The following VWA8 variants were observed in gnomAD, a reference collection of about 807,000 sequenced individuals.
VWA8 encodes von Willebrand factor A domain containing 8, also known as von Willebrand factor A domain-containing protein 8.
A neutral mutation model predicts 241.5 loss-of-function variants in VWA8; 221 were observed. The observed-to-expected ratio is 0.91, with a 90% CI of 0.82 to 1.02. The LOEUF (loss-of-function observed/expected upper bound fraction) is 1.02. VWA8 is among the 50% of genes least tolerant of loss of function. The pLI, the probability that VWA8 is intolerant of heterozygous loss-of-function variation, is 0.00. For missense variants in VWA8, 2,322 were observed against 2,328.7 expected (o/e 1.00, Z 0.06); for synonymous variants, 852 against 827.1 (o/e 1.03, Z -0.52).
intron 2 of VWA8, among the ~76,000 whole-genome samples, chr13:41,914,675 T>C (rs1876170592): frequency 6.6e-6 from 1 of 152,250 alleles, no homozygotes; most frequent in African/African-American, 2.4e-5. Context: ...TTGGGTTTTT[T>C]CTTTACATTT....
At chr13:41,743,881 T>C (rs2045585669) in intron 21 of VWA8, among the ~76,000 whole-genome samples, 1 of 152,172 alleles carries the variant, frequency 6.6e-6, no homozygotes, top group Admixed American at 6.5e-5. Context: ...TTTGTTGCAA[T>C]AGATCTCCTT....
At chr13:41,953,631 C>T (rs1010861764) in intron 1 of VWA8, among the ~76,000 whole-genome samples, 5 of 152,102 alleles carry the variant, frequency 3.3e-5, no homozygotes, top group Non-Finnish European at 7.4e-5. Flanking sequence ...CATAGTGAAA[C>T]CCCATCTCTA....
chr13:41,570,052 A>G (rs1447057326), intron 44 of VWA8, among the ~76,000 whole-genome samples: 1 of 152,168 alleles, frequency 6.6e-6, no homozygotes, highest in Non-Finnish European at 1.5e-5. Flanking sequence ...TCTAATATGT[A>G]CAGACATTCA....
intron 12 of VWA8, among the ~76,000 whole-genome samples, chr13:41,856,713 A>G (rs1257451744): frequency 6.6e-6 from 1 of 152,092 alleles, no homozygotes; most frequent in Non-Finnish European, 1.5e-5. Context: ...AGTCCCAGCT[A>G]CTTGGGAGGC....
chr13:41,645,964 G>A (rs970430462), intron 37 of VWA8, among the ~76,000 whole-genome samples: 1 of 148,360 alleles, frequency 6.7e-6, no homozygotes, highest in South Asian at 2.1e-4. Flanking sequence ...AAATTTTCCT[G>A]ATTTTTTTTT....
At chr13:41,648,676 C>T (rs2044848905) in intron 37 of VWA8, among the ~76,000 whole-genome samples, 1 of 152,114 alleles carries the variant, frequency 6.6e-6, no homozygotes, top group African/African-American at 2.4e-5. Context: ...ACATACAGAC[C>T]TACAAAAACT....
rs1873393633 is a variant in VWA8, at chr13:41,868,054, AAC to A, written c.1212+290_1212+291del. On this transcript the variant is annotated intron_variant, in intron 10 of 44. Coordinates refer to ENST00000379310, the MANE Select transcript of VWA8 (RefSeq NM_015058.2). ...CTCTGTAGCAGCTCAAATGTTTGAA[AAC>A]ACTATTTCTTACCAAGGACTCATAG... Among the ~76,000 whole-genome samples the A allele has an allele frequency of 3.9e-5, 6 of 152,318 alleles. No homozygotes were observed. The South Asian group carries it at 1.2e-3, about 32-fold the overall frequency.
intron 41 of VWA8, among the ~76,000 whole-genome samples, chr13:41,589,337 T>C (rs1218269657): frequency 6.6e-6 from 1 of 152,234 alleles, no homozygotes; most frequent in Non-Finnish European, 1.5e-5. Context: ...TGATGGACAC[T>C]GATCTTTAAA....
At chr13:41,960,208 G>C (rs368163320) in intron 1 of VWA8, among the ~76,000 whole-genome samples, 1 of 152,212 alleles carries the variant, frequency 6.6e-6, no homozygotes, top group African/African-American at 2.4e-5. Context: ...GTAATTAGTT[G>C]TGTGTTCTCC....
intron 43 of VWA8, among the ~76,000 whole-genome samples, chr13:41,572,797 T>TAAAAAAAAA (rs869088660): frequency 2.7e-4 from 18 of 67,772 alleles, no homozygotes; most frequent in Non-Finnish European, 4.0e-4. Context: ...CAATAAATAC[T>TAAAAAAAAA]AAAAAAAAAA....
chr13:41,649,547 C>A (rs943418880), intron 37 of VWA8, among the ~76,000 whole-genome samples: 1 of 148,118 alleles, frequency 6.8e-6, no homozygotes, highest in African/African-American at 2.5e-5. Context: ...CTTTGTGAAT[C>A]ATTTTGATTA....
At chr13:41,738,609 T>C (rs894208088) in intron 21 of VWA8, among the ~76,000 whole-genome samples, 9 of 152,170 alleles carry the variant, frequency 5.9e-5, no homozygotes, top group Non-Finnish European at 1.3e-4. Flanking sequence ...TAAAAACAAA[T>C]CTACTAAAAT....
intron 37 of VWA8, among the ~76,000 whole-genome samples, chr13:41,618,192 C>A (rs1035011010): frequency 6.6e-6 from 1 of 152,096 alleles, no homozygotes; most frequent in Non-Finnish European, 1.5e-5. Context: ...AGATGGTATA[C>A]CATTGTGGTT....
At chr13:41,951,830 T>C (rs7318295) in intron 1 of VWA8, among the ~76,000 whole-genome samples, 55,886 of 152,024 alleles carry the variant, frequency 0.37, 10,838 homozygotes, top group African/African-American at 0.5. Flanking sequence ...GAGACAGAAA[T>C]TTTACAAATG....
chr13:41,572,695 C>T (rs1000021749), intron 43 of VWA8, among the ~76,000 whole-genome samples: 16 of 151,302 alleles, frequency 1.1e-4, no homozygotes, highest in Admixed American at 4.6e-4. Flanking sequence ...AAACCAGAGA[C>T]CCTTGTTCAC....
At chr13:41,571,738 T>G (rs1445948938) in intron 43 of VWA8, among the ~76,000 whole-genome samples, 1 of 152,196 alleles carries the variant, frequency 6.6e-6, no homozygotes, top group Non-Finnish European at 1.5e-5. Context: ...CCTCCCAAAG[T>G]GCCGAGATTG....
At chr13:41,713,200 T>A (rs1294916859) in intron 26 of VWA8, among the ~76,000 whole-genome samples, 5 of 152,140 alleles carry the variant, frequency 3.3e-5, no homozygotes, top group African/African-American at 4.8e-5. Flanking sequence ...AAATTTTCAT[T>A]TAAATAAGAG....
At chr13:41,667,769 A>T (rs1468268426) in intron 37 of VWA8, among the ~76,000 whole-genome samples, 1 of 152,210 alleles carries the variant, frequency 6.6e-6, no homozygotes, top group Non-Finnish European at 1.5e-5. Flanking sequence ...TTTGACTTAT[A>T]ATTAACCCAT....
At chr13:41,807,476 A>T (rs933173485) in intron 17 of VWA8, among the ~76,000 whole-genome samples, 5 of 152,256 alleles carry the variant, frequency 3.3e-5, no homozygotes, top group African/African-American at 1.2e-4. Flanking sequence ...ACAACACATT[A>T]TAAAGATCAT....
Sources: gnomAD v4.1 joint callset for allele counts (sites outside exome capture counted in the v4.1 genomes callset) on GRCh38, gnomAD v4.1.1 for gene constraint, MANE v1.5 for transcripts, NCBI Gene and HGNC (gene_info 2026-07-23, HGNC 2026-07-21) for gene names.